The following ANAPC7 variants were observed in gnomAD, a reference collection of about 807,000 sequenced individuals.
ANAPC7 encodes the protein anaphase-promoting complex subunit 7.
In ANAPC7, 25 loss-of-function variants were observed where a neutral mutation model predicts 63.3. That is an observed-to-expected ratio of 0.39 (90% CI 0.29 to 0.55). The LOEUF is 0.55. Ranked by LOEUF, ANAPC7 falls within the 20% of genes least tolerant of loss-of-function variation. The pLI is 0.57. For missense variants in ANAPC7, 516 were observed against 691.7 expected, an observed-to-expected ratio of 0.75 and a Z score of 2.85; for synonymous variants, 241 against 251.7, an observed-to-expected ratio of 0.96 and a Z score of 0.40.
At chr12:110,381,716 C>T (rs775145723) in intron 8 of ANAPC7, 36 bp downstream of exon 8, 29 of 1,600,504 alleles carry the variant, frequency 1.8e-5, no homozygotes, top group African/African-American at 4.0e-5. Flanking sequence ...GCCACACCCA[C>T]GGATTCACAC....
intron 3 of ANAPC7, among the ~76,000 whole-genome samples, chr12:110,393,090 C>T (rs1298662692): frequency 6.6e-6 from 1 of 152,126 alleles, no homozygotes; most frequent in Non-Finnish European, 1.5e-5. Context: ...CCACCATGCC[C>T]AGCCGACACC....
At chr12:110,388,060 G>C (rs1592913617) in intron 4 of ANAPC7, among the ~76,000 whole-genome samples, 168 bp from the exon 5 acceptor site, 1 of 152,176 alleles carries the variant, frequency 6.6e-6, no homozygotes, top group East Asian at 1.9e-4. Context: ...TTTTGAGACA[G>C]TGTCTTGTTC....
rs375690201 is a variant in ANAPC7, at chr12:110,376,187, C to T, written c.1387G>A (p.Ala463Thr). Residue 463 changes from alanine (A) to threonine (T), a missense_variant, in exon 10 of 11, where the codon GCT becomes ACT. Around this residue, in one of 4 missense-constraint regions of ANAPC7, gnomAD observed 122 missense variants for 212.0 expected, o/e 0.58. Coordinates refer to ENST00000455511, the MANE Select transcript of ANAPC7 (RefSeq NM_016238.3). ...TTAGCCAGTGCGTTCCTCAGCAAAG[C>T]AATTCCATCTTCATATTTCTGTTCT... ...SREQKYEDGI[A>T]LLRNALANQS... 5.8e-5 allele frequency: 94 copies of T among 1,614,076 alleles called. No individual in the cohort carries two copies. The African/African-American group carries it at 1.1e-3, about 19-fold the overall frequency.
intron 1 of ANAPC7, among the ~76,000 whole-genome samples, chr12:110,396,942 G>A (rs935802581): frequency 6.6e-6 from 1 of 151,984 alleles, no homozygotes; most frequent in East Asian, 2.0e-4. Context: ...GGTGGCTTAC[G>A]CCTGTAATCC....
Position 110,376,217 on chromosome 12 carries a change from C to G in ANAPC7, c.1358-1G>C. Reference sequence around the variant, plus strand: ...CCATCTTCATATTTCTGTTCTCTGCCTGGGGGAATAAAAAAGACCCTCACT... The same window carrying G: ...CCATCTTCATATTTCTGTTCTCTGCGTGGGGGAATAAAAAAGACCCTCACT... On this transcript the variant is annotated splice_acceptor_variant, in intron 9 of 10. Coordinates refer to ENST00000455511, the MANE Select transcript of ANAPC7 (RefSeq NM_016238.3). LOFTEE classifies it high-confidence loss of function. 1 of 1,613,722 alleles carries G rather than the reference C, an allele frequency of 6.2e-7. No homozygotes were observed. Among genetic ancestry groups the G allele is most frequent in the Non-Finnish European group, 8.5e-7 (1 of 1,179,864 alleles).
intron 2 of ANAPC7, among the ~76,000 whole-genome samples, 197 bp from the exon 3 acceptor site, chr12:110,395,417 C>T (rs1883487425): frequency 6.6e-6 from 1 of 151,760 alleles, no homozygotes; most frequent in Non-Finnish European, 1.5e-5. Context: ...TAGTCTCAAG[C>T]GATCCTCCCA....
intron 1 of ANAPC7, among the ~76,000 whole-genome samples, chr12:110,399,596 TCATA>T (rs1220946105): frequency 1.3e-5 from 2 of 152,054 alleles, no homozygotes; most frequent in African/African-American, 4.8e-5. Flanking sequence ...ATGGTGATGA[TCATA>T]CAATTTTGTA....
At chr12:110,401,912 T>C (rs2062234610) in intron 1 of ANAPC7, among the ~76,000 whole-genome samples, 2 of 135,734 alleles carry the variant, frequency 1.5e-5, no homozygotes, top group African/African-American at 5.8e-5. Flanking sequence ...AGGCGAAGCT[T>C]GCAGTGAGCC....
chr12:110,382,457 AAAAAATATAT>A (rs1311885954), intron 7 of ANAPC7, among the ~76,000 whole-genome samples: 11 of 65,232 alleles, frequency 1.7e-4, no homozygotes, highest in Middle Eastern at 9.3e-3. Context: ...AAAAAAAAAA[AAAAAATATAT>A]ATATATATAT....
rs56130410 is a variant in ANAPC7, at chr12:110,386,307, C to T, written c.817+20G>A. 135,700 of 1,613,166 alleles carry T rather than the reference C, an allele frequency of 0.084. 6,161 individuals are homozygous for T. The highest frequency in any genetic ancestry group is 0.11 in the Middle Eastern group (679 of 6,058). The stretch of plus-strand genomic sequence containing the variant: ...CCCCCCAACAACAGCCACTGTCTTC[C>T]TGCCCCAAGAATTACTTACCTTTTA... On this transcript the variant is annotated intron_variant, in intron 6 of 10. Transcript: ENST00000455511.
rs545580293 is a variant in ANAPC7 at position 110,383,428 on chromosome 12, C to G, written c.818-468G>C. ...ACTGCCTGGGTGACAGACTGAGACTCTGTCTCAAAAAAAGAAAATGCAAAA... is the reference window on the plus strand; with the variant it reads ...ACTGCCTGGGTGACAGACTGAGACTGTGTCTCAAAAAAAGAAAATGCAAAA... On this transcript the variant is annotated intron_variant, in intron 6 of 10. Coordinates refer to ENST00000455511, the MANE Select transcript of ANAPC7 (RefSeq NM_016238.3). Among the ~76,000 whole-genome samples the G allele has an allele frequency of 1.0e-4, 15 of 150,490 alleles. No individual in the cohort carries two copies. The East Asian group carries it at 3.0e-3, about 30-fold the overall frequency.
In ANAPC7 at chr12:110,395,104, G is replaced by A; in HGVS notation, c.405C>T (p.Pro135=). The change falls in exon 3 of 11, where the codon CCC becomes CCT. Residue 135 remains proline (P), a synonymous_variant. Coordinates refer to ENST00000455511, the MANE Select transcript of ANAPC7 (RefSeq NM_016238.3). ...AACACATAAACATTCAACTTACTTTGGGAGTTCTTTGTCTTGAAGGGATCC... is the reference window on the plus strand; with the variant it reads ...AACACATAAACATTCAACTTACTTTAGGAGTTCTTTGTCTTGAAGGGATCC... ...LDGIPSRQRT[P]KINMMLANLY... is the part of the protein sequence containing the mutation. 1 of 1,612,478 alleles carries A rather than the reference G, an allele frequency of 6.2e-7. No individual in the cohort carries two copies. Among genetic ancestry groups the A allele is most frequent in the Middle Eastern group, 1.7e-4 (1 of 6,032 alleles).
chr12:110,395,057 G>C (rs1883452919), intron 3 of ANAPC7, 44 bp downstream of exon 3: 2 of 1,598,202 alleles, frequency 1.3e-6, no homozygotes, highest in African/African-American at 1.3e-5. Context: ...GAGGGAGCAG[G>C]GTTAGGAGAG....
intron 3 of ANAPC7, among the ~76,000 whole-genome samples, chr12:110,391,394 G>C (rs1883072706): frequency 6.6e-6 from 1 of 152,140 alleles, no homozygotes; most frequent in South Asian, 2.1e-4. Context: ...CCTTTAAAAT[G>C]TGAGGGAATA....
chr12:110,382,441 TAAAAAAAAAAAAA>T (rs137996217), intron 7 of ANAPC7, among the ~76,000 whole-genome samples: 8 of 53,056 alleles, frequency 1.5e-4, no homozygotes, highest in African/African-American at 6.2e-4. Context: ...ATTATCCTTT[TAAAAAAAAAAAAA>T]AAAAAAAATA....
At chr12:110,392,571 G>T (rs1592920893) in intron 3 of ANAPC7, among the ~76,000 whole-genome samples, 1 of 152,108 alleles carries the variant, frequency 6.6e-6, no homozygotes, top group East Asian at 1.9e-4. Flanking sequence ...AATAAAATGA[G>T]CAAGGCAGGA....
intron 1 of ANAPC7, among the ~76,000 whole-genome samples, chr12:110,400,201 G>C (rs939087979): frequency 9.2e-5 from 14 of 152,188 alleles, no homozygotes; most frequent in Non-Finnish European, 1.8e-4. Flanking sequence ...TTGATGCTTA[G>C]ATACAAAAGT....
At chr12:110,382,455 A>AC (rs1306028353) in intron 7 of ANAPC7, among the ~76,000 whole-genome samples, 11 of 70,468 alleles carry the variant, frequency 1.6e-4, no homozygotes, top group Non-Finnish European at 2.7e-4. Context: ...AAAAAAAAAA[A>AC]AAAAAAATAT....
chr12:110,402,126 G>A (rs1330824921), intron 1 of ANAPC7, among the ~76,000 whole-genome samples: 8 of 150,686 alleles, frequency 5.3e-5, no homozygotes, highest in South Asian at 4.1e-4. Flanking sequence ...AGTGAGCCAA[G>A]ACTGCGCCAC....
Sources: allele counts gnomAD v4.1 joint callset (sites outside exome capture counted in the v4.1 genomes callset), GRCh38; gene constraint gnomAD v4.1.1; regional missense constraint gnomAD v4.1.1; transcripts MANE v1.5; gene names NCBI Gene and HGNC (gene_info 2026-07-23, HGNC 2026-07-21).